TSNAXIP1: variants seen among roughly 807,000 people sequenced by gnomAD.
TSNAXIP1 encodes translin-associated factor X-interacting protein 1.
A neutral mutation model predicts 84.8 loss-of-function variants in TSNAXIP1; 89 were observed. That is an observed-to-expected ratio of 1.05 (90% confidence interval 0.88 to 1.25). The LOEUF (loss-of-function observed/expected upper bound fraction) is 1.25. Ranked by LOEUF, TSNAXIP1 falls within the 50% of genes most tolerant of loss-of-function variation. TSNAXIP1 has a pLI of 0.00. For missense variants in TSNAXIP1, 874 were observed against 887.6 expected (o/e 0.98, Z 0.20); for synonymous variants, 347 against 335.2 (o/e 1.04, Z -0.39).
At chr16:67,817,331 T>G (rs889352621) in intron 2 of TSNAXIP1, among the ~76,000 whole-genome samples, 17 of 132,370 alleles carry the variant, frequency 1.3e-4, no homozygotes, top group Non-Finnish European at 1.6e-5. Flanking sequence ...TTTTTTTTTT[T>G]GTATTTTTAG....
chr16:67,812,903 G>A (rs895987842), intron 1 of TSNAXIP1, among the ~76,000 whole-genome samples: 2 of 152,010 alleles, frequency 1.3e-5, no homozygotes, highest in Non-Finnish European at 2.9e-5. Context: ...GAGCTACCAC[G>A]CCCAGATGCA....
Position 67,823,632 on chromosome 16 carries a change from A to G in TSNAXIP1, c.394A>G (p.Arg132Gly). 4 of 1,613,656 alleles carry G rather than the reference A, an allele frequency of 2.5e-6. No individual in the cohort carries two copies. The highest frequency in any genetic ancestry group is 2.2e-5 in the East Asian group (1 of 44,864). The change falls in exon 5 of 16, where the codon AGA becomes GGA. Residue 132 changes from arginine to glycine, a missense_variant. Coordinates refer to ENST00000561639, the MANE Select transcript of TSNAXIP1 (RefSeq NM_001288990.3). ...STQELRLQPY[R>G]EIFEFFIEDF... ...GGTTCCCTTTTCTTGCCAGCCTTAC[A>G]GAGAGATCTTTGAGTTCTTCATAGA...
At chr16:67,810,349 G>A (rs1051133680) in intron 1 of TSNAXIP1, among the ~76,000 whole-genome samples, 2 of 152,046 alleles carry the variant, frequency 1.3e-5, no homozygotes, top group African/African-American at 4.8e-5. Context: ...GGCCGGGTAC[G>A]GTGGCTCACG....
chr16:67,822,075 G>A (rs1466894584), intron 4 of TSNAXIP1, among the ~76,000 whole-genome samples: 3 of 151,594 alleles, frequency 2.0e-5, no homozygotes, highest in East Asian at 1.9e-4. Flanking sequence ...TCAGGAGATC[G>A]AGACCATCCT....
chr16:67,813,731 C>CAAAAAAAAAAAAAAA (rs373627128), intron 1 of TSNAXIP1, among the ~76,000 whole-genome samples: 1 of 41,208 alleles, frequency 2.4e-5, no homozygotes, highest in Non-Finnish European at 4.6e-5. Flanking sequence ...GACTCCGTCT[C>CAAAAAAAAAAAAAAA]AAAAAAAAAA....
intron 11 of TSNAXIP1, 28 bp from the exon 12 acceptor site, chr16:67,826,664 C>T (rs1465496201): frequency 6.2e-7 from 1 of 1,611,620 alleles, no homozygotes; most frequent in South Asian, 1.1e-5. Flanking sequence ...CCGTAAGACT[C>T]TGACTGAGCA....
Position 67,824,755 on chromosome 16 carries a change from G to C in TSNAXIP1, c.654G>C (p.Glu218Asp), listed in dbSNP as rs749553767. The C allele has an allele frequency of 6.2e-7, 1 of 1,613,744 alleles. No individual in the cohort carries two copies. Among genetic ancestry groups the C allele is most frequent in the South Asian group, 1.1e-5 (1 of 91,046 alleles). ...NLLKLIDKKN[E>D]EKISLQSEVT... ...TAAAACTCATCGACAAAAAGAATGAGGAGAAGATTTCATTGCAGAGCGAGG... is the reference window on the plus strand; with the variant it reads ...TAAAACTCATCGACAAAAAGAATGACGAGAAGATTTCATTGCAGAGCGAGG... Residue 218 changes from glutamate to aspartate, a missense_variant, in exon 6 of 16, where the codon GAG becomes GAC. Glu to Asp is a conservative substitution (Grantham distance 45). Transcript: ENST00000561639.
intron 1 of TSNAXIP1, among the ~76,000 whole-genome samples, chr16:67,813,860 C>CA (rs1182014976): frequency 6.6e-6 from 1 of 151,832 alleles, no homozygotes; most frequent in Non-Finnish European, 1.5e-5. Flanking sequence ...TAGACCCTAT[C>CA]AGCTGCCAGT....
chr16:67,824,714 G>T lies in TSNAXIP1; in HGVS notation c.613G>T (p.Glu205Ter). The T allele has an allele frequency of 1.2e-6, 2 of 1,614,178 alleles. No homozygotes were observed. The highest frequency in any genetic ancestry group is 1.7e-6 in the Non-Finnish European group (2 of 1,180,030). The change falls in exon 6 of 16, where the codon GAG becomes TAG. Residue 205 changes from glutamate to a stop codon, truncating the protein, a stop_gained. Transcript: ENST00000561639. LOFTEE classifies it high-confidence loss of function. ...EKYEISLLKK[E>*]KMNLLKLIDK... ...ATATGAAATCTCCCTGCTCAAGAAA[G>T]AGAAGATGAACTTGCTAAAACTCAT...
At chr16:67,807,659 T>A in intron 1 of TSNAXIP1, 1 of 263,776 alleles carries the variant, frequency 3.8e-6, no homozygotes, top group Non-Finnish European at 7.6e-6. Context: ...GTTCGTTTGT[T>A]TTTTGTAGAG....
At position 67,810,543 on chromosome 16, in the gene TSNAXIP1, C is replaced by T. The variant is rs916306835; in HGVS notation, c.47+3347C>T. On this transcript the variant is annotated intron_variant, in intron 1 of 15. Transcript: ENST00000561639. ...CAGAGGCAGGAGGATCACTTGAGCC[C>T]GGGAGGCAGAGGTTGCAGTGAGCCG... Among the ~76,000 whole-genome samples the T allele has an allele frequency of 3.3e-5, 5 of 151,446 alleles. No homozygotes were observed. In the East Asian group the frequency reaches 5.9e-4, roughly 18 times the overall value.
At chr16:67,822,493 C>A (rs1007999425) in intron 4 of TSNAXIP1, among the ~76,000 whole-genome samples, 4 of 151,806 alleles carry the variant, frequency 2.6e-5, no homozygotes, top group Admixed American at 6.6e-5. Flanking sequence ...AGGGGTCACA[C>A]CGTGTTTACC....
At position 67,827,566 on chromosome 16, in the gene TSNAXIP1, C is replaced by T; in HGVS notation, c.1885C>T (p.Leu629Phe). ...DEYLQQLKQE[L>F]GIELHEEVTL... ...GTACTTACAGCAGCTAAAGCAGGAG[C>T]TTGGCATAGAACTGTGAGTGACCCT... Residue 629 changes from leucine to phenylalanine, a missense_variant, in exon 15 of 16, where the codon CTT becomes TTT. By Grantham distance (22) the Leu-to-Phe change is conservative (BLOSUM62 0). Transcript: ENST00000561639. 1 of 1,614,194 alleles carries T rather than the reference C, an allele frequency of 6.2e-7. No homozygotes were observed. The highest frequency in any genetic ancestry group is 8.5e-7 in the Non-Finnish European group (1 of 1,180,016).
intron 13 of TSNAXIP1, 77 bp downstream of exon 13, chr16:67,827,149 G>A: frequency 6.2e-7 from 1 of 1,605,654 alleles, no homozygotes; most frequent in Non-Finnish European, 8.5e-7. Flanking sequence ...GCACCTGGTG[G>A]GAAGGGCCAC....
At position 67,809,773 on chromosome 16, in the gene TSNAXIP1, C is replaced by T. The variant is rs2055872592; in HGVS notation, c.47+2577C>T. Among the ~76,000 whole-genome samples, 5 of 151,850 alleles carry T rather than the reference C, an allele frequency of 3.3e-5. 1 individual carries two copies. The South Asian group carries it at 6.2e-4, about 19-fold the overall frequency. On this transcript the variant is annotated intron_variant, in intron 1 of 15. Transcript: ENST00000561639. ...GACCAGCCTGGCCAACATAGTGAAA[C>T]CCCATCTCTACTAAAAATACAAAAA... is the stretch of plus-strand genomic sequence containing the variant.
In TSNAXIP1 at chr16:67,807,094, T is replaced by C; in HGVS notation, c.-56T>C. On this transcript the variant is annotated 5_prime_UTR_variant, in exon 1 of 16. Transcript: ENST00000561639. ...GCCTGGTCGCCATGGCGACCGGCTG[T>C]ACGCTACCACAGCTTCCCAGGCCGC... 1 of 1,527,444 alleles carries C rather than the reference T, an allele frequency of 6.5e-7. No homozygotes were observed. The highest frequency in any genetic ancestry group is 1.2e-5 in the South Asian group (1 of 83,780). 94.6% of individuals were successfully genotyped at this position (1,527,444 alleles called of 1,614,324 possible).
intron 5 of TSNAXIP1, 76 bp from the exon 6 acceptor site, chr16:67,824,506 AC>A: frequency 2.8e-6 from 4 of 1,413,268 alleles, no homozygotes; most frequent in Non-Finnish European, 3.9e-6. Flanking sequence ...ATAGCCACTC[AC>A]CCATGACCTT....
intron 4 of TSNAXIP1, among the ~76,000 whole-genome samples, chr16:67,822,918 T>C (rs145539577): frequency 4.6e-5 from 7 of 152,318 alleles, no homozygotes; most frequent in Middle Eastern, 3.4e-3. Context: ...ACACCCCTAC[T>C]TGCATGTCAG....
chr16:67,818,195 C>T (rs530260737), intron 2 of TSNAXIP1, among the ~76,000 whole-genome samples: 1 of 151,320 alleles, frequency 6.6e-6, no homozygotes, highest in African/African-American at 2.4e-5. Flanking sequence ...GGCGACAGAG[C>T]GAGACTCAGT....
Sources: gnomAD v4.1 joint callset for allele counts (sites outside exome capture counted in the v4.1 genomes callset) on GRCh38, gnomAD v4.1.1 for gene constraint, MANE v1.5 for transcripts, NCBI Gene and HGNC (gene_info 2026-07-23, HGNC 2026-07-21) for gene names.